KIFAP3: variants seen among roughly 807,000 people sequenced by gnomAD.
The protein encoded by KIFAP3 is kinesin associated protein 3.
In KIFAP3, 68 loss-of-function variants were observed where a neutral mutation model predicts 106.5. The ratio of observed to expected loss-of-function variants is 0.64; its 90% CI spans 0.53 to 0.78. The LOEUF (loss-of-function observed/expected upper bound fraction) is 0.78. KIFAP3 is among the 30% of genes least tolerant of loss of function. KIFAP3 has a pLI of 0.00. For synonymous variants in KIFAP3, 320 were observed against 311.5 expected (o/e 1.03, Z -0.29); for missense variants, 780 against 941.8 (o/e 0.83, Z 2.25).
intron 7 of KIFAP3, among the ~76,000 whole-genome samples, chr1:170,033,397 A>T (rs890440761): frequency 8.6e-5 from 13 of 151,752 alleles, no homozygotes; most frequent in Non-Finnish European, 1.8e-4. Context: ...AGCAGAGTTA[A>T]AAATGTATGA....
upstream of KIFAP3, among the ~76,000 whole-genome samples, chr1:170,078,747 G>A (rs1269505654): frequency 6.6e-6 from 1 of 152,248 alleles, no homozygotes; most frequent in East Asian, 1.9e-4. Context: ...TTAAGATAAT[G>A]TCAATTTAGA....
At chr1:169,928,350 G>A (rs545735170) in intron 19 of KIFAP3, among the ~76,000 whole-genome samples, 9 of 152,054 alleles carry the variant, frequency 5.9e-5, no homozygotes, top group African/African-American at 1.7e-4. Flanking sequence ...CACCCATTTT[G>A]GCCTCCCAAA....
intron 9 of KIFAP3, among the ~76,000 whole-genome samples, chr1:170,023,630 G>T (rs1242046573): frequency 1.3e-5 from 2 of 151,888 alleles, no homozygotes; most frequent in Non-Finnish European, 2.9e-5. Context: ...CTGAAAACAA[G>T]GTAGGTTAAT....
At position 169,979,788 on chromosome 1, in the gene KIFAP3, G is replaced by A. The variant is rs190337667; in HGVS notation, c.1799-1605C>T. ...TCCTACGTGTGAACCTAATGGAAAT[G>A]AGTACATATGTTCACCAAATGAAAG... On this transcript the variant is annotated intron_variant, in intron 15 of 19. Transcript: ENST00000361580. 1.9e-3 allele frequency among the ~76,000 whole-genome samples: 287 copies of A among 152,204 alleles called. 2 individuals are homozygous for A. The highest frequency in any genetic ancestry group is 2.9e-3 in the Non-Finnish European group (199 of 68,006).
At chr1:170,073,501 C>G (rs1244256260) in intron 1 of KIFAP3, among the ~76,000 whole-genome samples, 1 of 152,184 alleles carries the variant, frequency 6.6e-6, no homozygotes, top group African/African-American at 2.4e-5. Context: ...AATAATACCA[C>G]CACCTTACAT....
chr1:169,999,961 A>G (rs1420374694), intron 10 of KIFAP3, among the ~76,000 whole-genome samples: 1 of 152,116 alleles, frequency 6.6e-6, no homozygotes, highest in Admixed American at 6.6e-5. Context: ...AAAAACTATC[A>G]GCTCTCTGGG....
chr1:170,006,152 A>C (rs991837213), intron 10 of KIFAP3, among the ~76,000 whole-genome samples: 3 of 152,194 alleles, frequency 2.0e-5, no homozygotes, highest in Non-Finnish European at 4.4e-5. Context: ...AGTGAAGATC[A>C]ACTGACTTGC....
chr1:170,081,516 A>G (rs1025909952), intron 1 of KIFAP3, among the ~76,000 whole-genome samples: 16 of 152,220 alleles, frequency 1.1e-4, no homozygotes, highest in Non-Finnish European at 1.6e-4. Flanking sequence ...TGGATGCTTT[A>G]GAATAGAATC....
intron 18 of KIFAP3, among the ~76,000 whole-genome samples, chr1:169,955,757 T>TA (rs1488951278): frequency 4.6e-5 from 7 of 152,164 alleles, no homozygotes; most frequent in African/African-American, 1.7e-4. Context: ...TTTACTAATT[T>TA]AAAATACTTA....
chr1:169,977,518 C>T (rs1666285639), intron 16 of KIFAP3, among the ~76,000 whole-genome samples: 1 of 151,982 alleles, frequency 6.6e-6, no homozygotes, highest in Non-Finnish European at 1.5e-5. Context: ...GGTTAAGTAA[C>T]TTTTTCCAAG....
At chr1:169,992,401 T>C in intron 10 of KIFAP3, 146 bp from the exon 11 acceptor site, 1 of 409,262 alleles carries the variant, frequency 2.4e-6, no homozygotes, top group Non-Finnish European at 4.4e-6. Context: ...CTATTTCAAA[T>C]CCAAAATTTA....
intron 19 of KIFAP3, among the ~76,000 whole-genome samples, chr1:169,946,850 A>G (rs1224908073): frequency 6.6e-6 from 1 of 152,002 alleles, no homozygotes; most frequent in Non-Finnish European, 1.5e-5. Flanking sequence ...AGCTACTATG[A>G]AAGTACACAG....
At chr1:170,070,559 T>C (rs1019116589) in intron 1 of KIFAP3, among the ~76,000 whole-genome samples, 6 of 152,080 alleles carry the variant, frequency 3.9e-5, no homozygotes, top group African/African-American at 1.4e-4. Context: ...GAACAGTCAA[T>C]TGTTCTTTTC....
intron 14 of KIFAP3, 120 bp downstream of exon 14, chr1:169,982,582 G>A: frequency 3.5e-6 from 2 of 575,728 alleles, no homozygotes; most frequent in Non-Finnish European, 5.9e-6. Context: ...GAAGAGAGCT[G>A]TGAGAAGAAA....
At chr1:169,963,569 T>C (rs1424237849) in intron 17 of KIFAP3, among the ~76,000 whole-genome samples, 2 of 152,180 alleles carry the variant, frequency 1.3e-5, no homozygotes, top group Non-Finnish European at 2.9e-5. Flanking sequence ...CTCAGCTCAC[T>C]GAAACCTCTG....
chr1:169,974,696 T>G (rs1183320919), intron 16 of KIFAP3, among the ~76,000 whole-genome samples: 1 of 151,910 alleles, frequency 6.6e-6, no homozygotes, highest in African/African-American at 2.4e-5. Flanking sequence ...ATATTCACCA[T>G]AGTACCCCAG....
At chr1:170,054,746 G>A (rs1670755615) in intron 2 of KIFAP3, among the ~76,000 whole-genome samples, 1 of 152,064 alleles carries the variant, frequency 6.6e-6, no homozygotes, top group South Asian at 2.1e-4. Context: ...ACTCATAAAT[G>A]GGGACTGAAC....
intron 1 of KIFAP3, among the ~76,000 whole-genome samples, chr1:170,073,129 T>G (rs80042442): frequency 0.063 from 9,600 of 152,322 alleles, 389 homozygotes; most frequent in Non-Finnish European, 0.095. Flanking sequence ...AGAACAATTT[T>G]GAATTTAAAG....
At chr1:170,053,671 GA>G (rs1670692507) in intron 2 of KIFAP3, among the ~76,000 whole-genome samples, 2 of 151,332 alleles carry the variant, frequency 1.3e-5, no homozygotes, top group African/African-American at 4.9e-5. Flanking sequence ...ACAGAACAGA[GA>G]CTCAGAAATA....
Sources: gnomAD v4.1 joint callset for allele counts (sites outside exome capture counted in the v4.1 genomes callset) on GRCh38, gnomAD v4.1.1 for gene constraint, MANE v1.5 for transcripts, NCBI Gene and HGNC (gene_info 2026-07-23, HGNC 2026-07-21) for gene names.